The following LRIF1 variants were observed in gnomAD, a reference collection of about 807,000 sequenced individuals.
LRIF1 encodes ligand dependent nuclear receptor interacting factor 1.
Under a neutral mutation model 52.7 loss-of-function variants are expected in LRIF1, and 32 were observed. The observed-to-expected ratio is 0.61, with a 90% CI of 0.46 to 0.82. The LOEUF (loss-of-function observed/expected upper bound fraction) is 0.82, where lower values mean the gene tolerates loss of function less well. Among genes scored for constraint, LRIF1 ranks in the 40% least tolerant of loss-of-function variants. The pLI is 0.00. For missense variants in LRIF1, 887 were observed against 892.0 expected (o/e 0.99, Z 0.07); for synonymous variants, 323 against 317.4 (o/e 1.02, Z -0.19).
rs866340130 is a variant in LRIF1, at chr1:110,963,630, G to A, written c.59C>T (p.Ala20Val). The change falls in exon 1 of 4, where the codon GCC (alanine) becomes GTC (valine). Residue 20 changes from alanine to valine, a missense_variant. Ala to Val is a moderately conservative substitution (Grantham distance 64). Transcript: ENST00000369763. ...LKPAEENSGN[A>V]SRCVSGCMYQ... ...CGAAACCGGTACTTACCAACGCGAGGCGTTGCCTGAATTTTCCTCTGCGGG... is the reference window on the plus strand; with the variant it reads ...CGAAACCGGTACTTACCAACGCGAGACGTTGCCTGAATTTTCCTCTGCGGG... 8 of 1,609,456 alleles carry A rather than the reference G, an allele frequency of 5.0e-6. No individual in the cohort carries two copies. In the Admixed American group the frequency reaches 8.4e-5, roughly 17 times the overall value.
At chr1:110,896,225 T>A in the LRIF1 span, among the ~76,000 whole-genome samples, 2 of 152,244 alleles carry the variant, frequency 1.3e-5, no homozygotes, top group Non-Finnish European at 2.9e-5. Flanking sequence ...ATAAGCCCCA[T>A]GAACTTAAAA....
chr1:110,925,208 G>A, the LRIF1 span, among the ~76,000 whole-genome samples: 2 of 152,154 alleles, frequency 1.3e-5, no homozygotes, highest in South Asian at 4.1e-4. Context: ...TAATGTGGGT[G>A]AGCTTCATCC....
intron 1 of LRIF1, among the ~76,000 whole-genome samples, chr1:110,955,409 C>T (rs1181198762): frequency 1.3e-5 from 2 of 152,150 alleles, no homozygotes; most frequent in Admixed American, 6.5e-5. Flanking sequence ...TATCTTCTAC[C>T]TTTCAATTTA....
At chr1:110,962,097 AAG>A (rs1491070371) in intron 1 of LRIF1, among the ~76,000 whole-genome samples, 62 of 86,456 alleles carry the variant, frequency 7.2e-4, no homozygotes, top group Non-Finnish European at 1.1e-3. Context: ...CACACACACA[AAG>A]TAAAGTTGTT....
At chr1:110,933,427 C>T in the LRIF1 span, among the ~76,000 whole-genome samples, 1 of 152,110 alleles carries the variant, frequency 6.6e-6, no homozygotes, top group African/African-American at 2.4e-5. Flanking sequence ...TGAAAGAGGC[C>T]TTGAAGACAT....
At chr1:110,891,536 C>G in the LRIF1 span, 1 of 1,259,878 alleles carries the variant, frequency 7.9e-7, no homozygotes, top group Non-Finnish European at 1.2e-6. Context: ...CCTCATTCCT[C>G]TACTGAAGAG....
the LRIF1 span, chr1:110,891,390 A>G: frequency 1.2e-6 from 2 of 1,604,606 alleles, no homozygotes; most frequent in Non-Finnish European, 1.7e-6. Context: ...CTTATTCCTT[A>G]GGGCAAGAAT....
At chr1:110,887,038 C>T in the LRIF1 span, among the ~76,000 whole-genome samples, 96,094 of 150,308 alleles carry the variant, frequency 0.64, 32,756 homozygotes, top group Non-Finnish European at 0.77. Flanking sequence ...TCTTTTTATA[C>T]TTTCCATGTC....
the LRIF1 span, among the ~76,000 whole-genome samples, chr1:110,933,276 T>A: frequency 1.3e-5 from 2 of 152,296 alleles, no homozygotes; most frequent in Non-Finnish European, 2.9e-5. Flanking sequence ...CAGAGCAAGA[T>A]GGCAGAATAG....
chr1:110,892,799 T>C, the LRIF1 span: 9 of 359,090 alleles, frequency 2.5e-5, no homozygotes, highest in East Asian at 4.4e-4. Context: ...GTAATTCCCC[T>C]TTATAGCATT....
chr1:110,914,671 T>TGAAC, the LRIF1 span, among the ~76,000 whole-genome samples: 1 of 152,068 alleles, frequency 6.6e-6, no homozygotes, highest in East Asian at 1.9e-4. Flanking sequence ...GAGAATCACT[T>TGAAC]GAACCCAGGA....
chr1:110,932,364 C>T, the LRIF1 span, among the ~76,000 whole-genome samples: 1 of 152,108 alleles, frequency 6.6e-6, no homozygotes, highest in Non-Finnish European at 1.5e-5. Flanking sequence ...GTACCAGTAC[C>T]ATGCTGTTTT....
At chr1:110,957,470 C>CAAAAAAAAAAAAAAAAAAA (rs34396800) in intron 1 of LRIF1, among the ~76,000 whole-genome samples, 10 of 42,792 alleles carry the variant, frequency 2.3e-4, no homozygotes, top group African/African-American at 7.9e-4. Context: ...GACTCAGTCT[C>CAAAAAAAAAAAAAAAAAAA]AAAAAAAAAA....
At chr1:110,937,699 A>G in the LRIF1 span, 2 of 152,122 alleles carry the variant, frequency 1.3e-5, no homozygotes, top group African/African-American at 4.8e-5. Flanking sequence ...CTCACCCAAA[A>G]TTAGTAGAAG....
At chr1:110,930,720 A>T in the LRIF1 span, among the ~76,000 whole-genome samples, 1 of 152,186 alleles carries the variant, frequency 6.6e-6, no homozygotes. Context: ...TCCATAACAG[A>T]AGGCTTTGTA....
chr1:110,953,317 T>C (rs376908151), intron 1 of LRIF1, among the ~76,000 whole-genome samples: 2 of 152,222 alleles, frequency 1.3e-5, no homozygotes, highest in East Asian at 1.9e-4. Context: ...CTATCTCTCA[T>C]GGTGTTACCT....
chr1:110,917,664 G>T, the LRIF1 span, among the ~76,000 whole-genome samples: 1 of 144,016 alleles, frequency 6.9e-6, no homozygotes, highest in African/African-American at 2.5e-5. Context: ...TTTTTTTGGA[G>T]AGAGGTCAAC....
At chr1:110,896,853 A>G in the LRIF1 span, 2 of 819,688 alleles carry the variant, frequency 2.4e-6, no homozygotes, top group Non-Finnish European at 3.9e-6. Flanking sequence ...CTTGAATAAA[A>G]GAGAGGCCAG....
At chr1:110,899,117 T>G in the LRIF1 span, 1 of 1,612,164 alleles carries the variant, frequency 6.2e-7, no homozygotes, top group Non-Finnish European at 8.5e-7. Context: ...CCCAACTCTT[T>G]TCACAGGTGT....
Sources: gnomAD v4.1 joint callset for allele counts (sites outside exome capture counted in the v4.1 genomes callset) on GRCh38, gnomAD v4.1.1 for gene constraint, MANE v1.5 for transcripts, NCBI Gene and HGNC (gene_info 2026-07-23, HGNC 2026-07-21) for gene names.